Variants in DOCK4 observed in about 807,000 individuals in gnomAD.
The protein encoded by DOCK4 is dedicator of cytokinesis 4, also known as dedicator of cytokinesis protein 4.
A neutral mutation model predicts 268.1 loss-of-function variants in DOCK4; 97 were observed. The ratio of observed to expected loss-of-function variants is 0.36; its 90% CI spans 0.31 to 0.43. DOCK4 has a LOEUF of 0.43. DOCK4 is among the 20% of genes least tolerant of loss of function. DOCK4 has a pLI of 1.00. For missense variants in DOCK4, 2,145 were observed against 2,455.7 expected, an observed-to-expected ratio of 0.87 and a Z score of 2.67; for synonymous variants, 954 against 887.2, an observed-to-expected ratio of 1.08 and a Z score of -1.34.
chr7:112,041,524 T>A (rs559297246), intron 1 of DOCK4, among the ~76,000 whole-genome samples: 35 of 152,208 alleles, frequency 2.3e-4, no homozygotes, highest in Non-Finnish European at 2.4e-4. Context: ...AAGTTAATTA[T>A]GCCAAATCAT....
chr7:112,075,305 A>T (rs1011860401), intron 1 of DOCK4, among the ~76,000 whole-genome samples: 3 of 152,134 alleles, frequency 2.0e-5, no homozygotes, highest in Admixed American at 6.6e-5. Flanking sequence ...AGACTGGAGG[A>T]GGGACTTTTT....
chr7:111,786,696 G>A (rs140968166), intron 32 of DOCK4, among the ~76,000 whole-genome samples: 8 of 152,246 alleles, frequency 5.3e-5, no homozygotes, highest in African/African-American at 9.6e-5. Flanking sequence ...TGAATTACAC[G>A]TAACAAATGA....
intron 1 of DOCK4, among the ~76,000 whole-genome samples, chr7:112,059,998 A>C (rs1237188598): frequency 1.3e-5 from 2 of 152,252 alleles, no homozygotes; most frequent in Non-Finnish European, 2.9e-5. Context: ...GATTAGAAGC[A>C]TGTCCAAGGT....
chr7:111,789,343 A>C (rs1454534247), intron 31 of DOCK4: 2 of 153,124 alleles, frequency 1.3e-5, no homozygotes, highest in Admixed American at 6.5e-5. Context: ...TATATTTTCC[A>C]GGATGTAAAT....
chr7:111,774,681 T>C (rs902329767), intron 36 of DOCK4, among the ~76,000 whole-genome samples: 8 of 152,116 alleles, frequency 5.3e-5, no homozygotes, highest in Admixed American at 3.9e-4. Context: ...AGTGGTAAGA[T>C]GAGGCTGAAC....
At chr7:111,891,872 G>A (rs1185581653) in intron 16 of DOCK4, among the ~76,000 whole-genome samples, 2 of 152,044 alleles carry the variant, frequency 1.3e-5, no homozygotes, top group African/African-American at 4.8e-5. Context: ...TTTTTAAATA[G>A]TCTTTGTAGC....
chr7:111,932,141 T>C (rs2134678146), intron 12 of DOCK4, among the ~76,000 whole-genome samples: 1 of 152,238 alleles, frequency 6.6e-6, no homozygotes, highest in South Asian at 2.1e-4. Context: ...GTTTGGACAA[T>C]TATATATTCA....
intron 1 of DOCK4, among the ~76,000 whole-genome samples, chr7:112,125,605 T>C (rs1813147597): frequency 6.6e-6 from 1 of 152,204 alleles, no homozygotes; most frequent in African/African-American, 2.4e-5. Flanking sequence ...GTTACCAATT[T>C]CAGTTTCACA....
At chr7:111,927,841 G>A (rs973563344) in intron 12 of DOCK4, among the ~76,000 whole-genome samples, 5 of 152,034 alleles carry the variant, frequency 3.3e-5, no homozygotes, top group African/African-American at 9.7e-5. Flanking sequence ...AAGGTCTCTC[G>A]GACCTTCCCT....
At chr7:112,161,461 A>G (rs1039073187) in intron 1 of DOCK4, among the ~76,000 whole-genome samples, 4 of 152,230 alleles carry the variant, frequency 2.6e-5, no homozygotes, top group African/African-American at 4.8e-5. Flanking sequence ...TACACTTCCT[A>G]TAAATTTTAA....
chr7:111,830,632 T>G (rs1473231964), intron 26 of DOCK4, among the ~76,000 whole-genome samples: 1 of 152,100 alleles, frequency 6.6e-6, no homozygotes, highest in Non-Finnish European at 1.5e-5. Flanking sequence ...TAGTACCTCT[T>G]TCTTAGATTT....
chr7:111,812,081 T>A, intron 27 of DOCK4, 132 bp from the exon 28 acceptor site: 1 of 493,678 alleles, frequency 2.0e-6, no homozygotes, highest in African/African-American at 2.0e-5. Flanking sequence ...AAATAATTCA[T>A]ATTTGAAACA....
intron 52 of DOCK4, 76 bp from the exon 53 acceptor site, chr7:111,728,796 C>T (rs1489425299): frequency 7.1e-7 from 1 of 1,407,464 alleles, no homozygotes; most frequent in Non-Finnish European, 9.5e-7. Context: ...ATGTACGCCC[C>T]GACGCGGAGG....
At chr7:111,916,927 G>A (rs1365992965) in intron 12 of DOCK4, among the ~76,000 whole-genome samples, 1 of 147,344 alleles carries the variant, frequency 6.8e-6, no homozygotes, top group Non-Finnish European at 1.5e-5. Context: ...AGTAAACCCT[G>A]AACCCAATTT....
intron 16 of DOCK4, among the ~76,000 whole-genome samples, chr7:111,878,328 G>C (rs1000915142): frequency 4.6e-5 from 7 of 152,154 alleles, no homozygotes; most frequent in Non-Finnish European, 8.8e-5. Flanking sequence ...AAAACGTAGT[G>C]ATCAGAAAAT....
chr7:112,160,272 AGAT>A (rs1440852523), intron 1 of DOCK4, among the ~76,000 whole-genome samples: 1 of 152,194 alleles, frequency 6.6e-6, no homozygotes, highest in Non-Finnish European at 1.5e-5. Flanking sequence ...ATATCAAATG[AGAT>A]GATAAGATGT....
At chr7:112,048,820 A>C (rs1263506266) in intron 1 of DOCK4, among the ~76,000 whole-genome samples, 5 of 151,862 alleles carry the variant, frequency 3.3e-5, no homozygotes, top group Non-Finnish European at 7.4e-5. Context: ...CAGGACATGT[A>C]GGTTTGTTAT....
At position 111,728,781 on chromosome 7, in the gene DOCK4, C is replaced by T; in HGVS notation, c.5482-61G>A. 5.4e-6 allele frequency: 8 copies of T among 1,475,750 alleles called. No homozygotes were observed. The South Asian group carries it at 9.2e-5, about 17-fold the overall frequency. 91.4% of individuals were successfully genotyped at this position (1,475,750 alleles called of 1,614,324 possible). On this transcript the variant is annotated intron_variant, in intron 52 of 52. Coordinates refer to ENST00000428084, the MANE Select transcript of DOCK4 (RefSeq NM_001363540.2). Reference sequence around the variant, plus strand: ...GCATTGAGTCGTGAACGCAGATGCGCTGAAATGTACGCCCCGACGCGGAGG... The same window carrying T: ...GCATTGAGTCGTGAACGCAGATGCGTTGAAATGTACGCCCCGACGCGGAGG...
At chr7:112,130,241 C>A (rs893255110) in intron 1 of DOCK4, among the ~76,000 whole-genome samples, 1 of 152,078 alleles carries the variant, frequency 6.6e-6, no homozygotes. Context: ...TACAGGTACC[C>A]GTTGGGGAGA....
Sources: allele counts gnomAD v4.1 joint callset (sites outside exome capture counted in the v4.1 genomes callset), GRCh38; gene constraint gnomAD v4.1.1; transcripts MANE v1.5; gene names NCBI Gene and HGNC (gene_info 2026-07-23, HGNC 2026-07-21).